The following PCDH11X variants were observed in gnomAD, a reference collection of about 807,000 sequenced individuals.
PCDH11X encodes the protein protocadherin-11 X-linked.
Under a neutral mutation model 53.3 loss-of-function variants are expected in PCDH11X, and 18 were observed. The ratio of observed to expected loss-of-function variants is 0.34; its 90% CI spans 0.23 to 0.50. The LOEUF (loss-of-function observed/expected upper bound fraction) is 0.50, where lower values mean the gene tolerates loss of function less well. Among genes scored for constraint, PCDH11X ranks in the 20% least tolerant of loss-of-function variants. The pLI is 0.98. For synonymous variants in PCDH11X, 279 were observed against 393.3 expected (o/e 0.71, Z 3.44); for missense variants, 570 against 1,032.4 (o/e 0.55, Z 6.14).
chrX:92,174,012 A>C (rs1163332057), intron 6 of PCDH11X, among the ~76,000 whole-genome samples: 1 of 85,468 alleles, frequency 1.2e-5, no homozygotes, highest in Non-Finnish European at 2.3e-5. Flanking sequence ...AAAAAAAAAA[A>C]AGTAGTGAGG....
intron 6 of PCDH11X, among the ~76,000 whole-genome samples, chrX:92,139,287 T>C (rs1434211544): frequency 2.0e-5 from 2 of 97,888 alleles, no homozygotes; most frequent in South Asian, 1.0e-3. Flanking sequence ...TTTTTTTTTT[T>C]TTGTTGAGAT....
rs531465732 is a variant in PCDH11X, at chrX:91,863,725, A to T, written c.541-13056A>T. On this transcript the variant is annotated intron_variant, in intron 5 of 10. Transcript: ENST00000682573. ...TAGTGAAGGAGATTTTCTCTGGTGA[A>T]ATGTTTTAGTCTCTTGCTTGTCATT... 1.0e-3 allele frequency among the ~76,000 whole-genome samples: 114 copies of T among 111,143 alleles called. 3 individuals carry two copies. The South Asian group carries it at 0.026, about 25-fold the overall frequency.
At chrX:92,053,574 C>CTT (rs146294962) in intron 6 of PCDH11X, among the ~76,000 whole-genome samples, 5 of 92,601 alleles carry the variant, frequency 5.4e-5, no homozygotes, top group African/African-American at 1.6e-4. Flanking sequence ...TGAACTGAGT[C>CTT]TTTTTTTTTT....
At chrX:92,318,817 A>T (rs771147039) in intron 8 of PCDH11X, among the ~76,000 whole-genome samples, 2 of 111,696 alleles carry the variant, frequency 1.8e-5, no homozygotes, top group South Asian at 7.5e-4. Flanking sequence ...TTTTGTATCA[A>T]TCTTACTGAT....
chrX:92,101,035 A>G (rs2064238079), intron 6 of PCDH11X, among the ~76,000 whole-genome samples: 1 of 111,880 alleles, frequency 8.9e-6, no homozygotes, highest in African/African-American at 3.3e-5. Flanking sequence ...ACATCTGATT[A>G]GAGAGTGCCT....
At chrX:92,225,711 G>A (rs186848979) in intron 7 of PCDH11X, among the ~76,000 whole-genome samples, 107 of 111,334 alleles carry the variant, frequency 9.6e-4, no homozygotes, top group Non-Finnish European at 1.7e-3. Flanking sequence ...ATAAAGCACA[G>A]TACCTCAAGC....
rs1937012018 is a variant in PCDH11X at position 91,828,854 on chromosome X, A to G, written c.-44-6607A>G. On this transcript the variant is annotated intron_variant, in intron 4 of 10. Coordinates refer to ENST00000682573, the MANE Select transcript of PCDH11X (RefSeq NM_032968.5). ...TTGGAACAATAAGTTGATGGATATA[A>G]TTCATTTTCTGACGACTAATATCTT... Among the ~76,000 whole-genome samples, 4 of 111,437 alleles carry G rather than the reference A, an allele frequency of 3.6e-5. No individual in the cohort carries two copies. The South Asian group carries it at 1.5e-3, about 42-fold the overall frequency.
At chrX:92,020,172 C>T (rs1415250976) in intron 6 of PCDH11X, among the ~76,000 whole-genome samples, 2 of 112,687 alleles carry the variant, frequency 1.8e-5, no homozygotes, top group Non-Finnish European at 3.8e-5. Flanking sequence ...TTAAGCCTGC[C>T]AGTCTTCCCG....
intron 8 of PCDH11X, among the ~76,000 whole-genome samples, chrX:92,304,022 G>C (rs866000859): frequency 9.2e-6 from 1 of 109,187 alleles, no homozygotes. Flanking sequence ...ATAATGCTTA[G>C]AGAAGACAAA....
In PCDH11X at chrX:91,832,922, G is replaced by T. The variant is rs1186292972; in HGVS notation, c.-44-2539G>T. Among the ~76,000 whole-genome samples the T allele has an allele frequency of 3.9e-5, 4 of 101,986 alleles. No homozygotes were observed. The Admixed American group carries it at 4.4e-4, about 11-fold the overall frequency. 88.6% of individuals were successfully genotyped at this position (101,986 alleles called of 115,157 possible). ...TATGTAAGTAAACCTGTGTCATGGG[G>T]GTTTGTTGTACAGATTATTTCGTCA... On this transcript the variant is annotated intron_variant, in intron 4 of 10. Transcript: ENST00000682573.
At chrX:92,341,268 C>A (rs1372084923) in intron 8 of PCDH11X, among the ~76,000 whole-genome samples, 1 of 111,732 alleles carries the variant, frequency 8.9e-6, no homozygotes, top group East Asian at 2.8e-4. Context: ...AACTTCCAAA[C>A]TTTCCTCATC....
intron 10 of PCDH11X, among the ~76,000 whole-genome samples, chrX:92,523,245 CT>C (rs1046021483): frequency 9.0e-6 from 1 of 111,349 alleles, no homozygotes; most frequent in Non-Finnish European, 1.9e-5. Flanking sequence ...GATGAGTCAC[CT>C]TTTTTTGCAT....
chrX:92,287,225 G>T (rs1219848299), intron 8 of PCDH11X, among the ~76,000 whole-genome samples: 1 of 110,777 alleles, frequency 9.0e-6, no homozygotes, highest in Non-Finnish European at 1.9e-5. Flanking sequence ...GAATGTGCAG[G>T]TTTGTTACAT....
chrX:92,189,070 T>C (rs980461529), intron 6 of PCDH11X, among the ~76,000 whole-genome samples: 1 of 111,198 alleles, frequency 9.0e-6, no homozygotes, highest in African/African-American at 3.3e-5. Context: ...TTTTCAACTT[T>C]TAAGTTCTAG....
At chrX:92,485,106 A>G (rs1312005450) in intron 10 of PCDH11X, among the ~76,000 whole-genome samples, 2 of 102,878 alleles carry the variant, frequency 1.9e-5, no homozygotes, top group African/African-American at 6.7e-5. Flanking sequence ...TTTCATAGTT[A>G]TTTCAATAAT....
intron 6 of PCDH11X, among the ~76,000 whole-genome samples, chrX:91,968,265 T>A (rs1221356536): frequency 9.0e-6 from 1 of 111,510 alleles, no homozygotes; most frequent in Admixed American, 9.6e-5. Context: ...TGTTTTAATA[T>A]TTTTTTCAAT....
At chrX:91,909,697 C>T (rs191199439) in intron 6 of PCDH11X, among the ~76,000 whole-genome samples, 28 of 104,351 alleles carry the variant, frequency 2.7e-4, no homozygotes, top group Non-Finnish European at 4.7e-4. Context: ...ACAGAGACCT[C>T]GGAAATTGAT....
chrX:92,414,767 A>T (rs1317767000), intron 9 of PCDH11X, among the ~76,000 whole-genome samples: 1 of 111,697 alleles, frequency 9.0e-6, no homozygotes, highest in Non-Finnish European at 1.9e-5. Flanking sequence ...TTCCAAGACC[A>T]TCAGTCATTC....
intron 9 of PCDH11X, among the ~76,000 whole-genome samples, chrX:92,457,860 TA>T (rs2072938964): frequency 9.4e-6 from 1 of 106,133 alleles, no homozygotes; most frequent in Non-Finnish European, 1.9e-5. Flanking sequence ...TTATGGATTT[TA>T]AAAAACATGC....
Sources: allele counts gnomAD v4.1 joint callset (sites outside exome capture counted in the v4.1 genomes callset), GRCh38; gene constraint gnomAD v4.1.1; transcripts MANE v1.5; gene names NCBI Gene and HGNC (gene_info 2026-07-23, HGNC 2026-07-21).